Variants in RALGDS observed in about 807,000 individuals in gnomAD.
RALGDS encodes the protein ral guanine nucleotide dissociation stimulator, also known as ral guanine nucleotide exchange factor.
In RALGDS, 44 loss-of-function variants were observed where a neutral mutation model predicts 99.8. The ratio of observed to expected loss-of-function variants is 0.44; its 90% confidence interval spans 0.35 to 0.57. The LOEUF is 0.57. RALGDS is among the 20% of genes least tolerant of loss of function. The pLI is 0.01. For missense variants in RALGDS, 1,022 were observed against 1,203.1 expected, an observed-to-expected ratio of 0.85 and a Z score of 2.23; for synonymous variants, 529 against 505.0, an observed-to-expected ratio of 1.05 and a Z score of -0.64.
intron 1 of RALGDS, among the ~76,000 whole-genome samples, chr9:133,120,056 G>A (rs1432526204): frequency 1.3e-5 from 2 of 152,166 alleles, no homozygotes; most frequent in African/African-American, 2.4e-5. Context: ...CTGAGCCCCC[G>A]ATCCAGGAAT....
At chr9:133,115,038 C>T (rs1365827258) in intron 1 of RALGDS, among the ~76,000 whole-genome samples, 2 of 152,198 alleles carry the variant, frequency 1.3e-5, no homozygotes, top group African/African-American at 2.4e-5. Context: ...GACAGGCCAG[C>T]AGGATGCCGT....
rs144265266 is a variant in RALGDS, at chr9:133,143,985, G to T, written c.18+4978C>A. Among the ~76,000 whole-genome samples the T allele has an allele frequency of 1.8e-3, 280 of 152,132 alleles. 2 individuals are homozygous for T. The highest frequency in any genetic ancestry group is 6.5e-3 in the African/African-American group (271 of 41,488). The stretch of plus-strand genomic sequence containing the variant: ...CTTTGTATATCAAAGGCGCCTCTGA[G>T]GGGCTGTGCTGACCCCCACCAGGAG... On this transcript the variant is annotated intron_variant, in intron 1 of 17. Coordinates refer to the RALGDS transcript ENST00000393160.
At chr9:133,121,888 T>C (rs2119219708), upstream of RALGDS, among the ~76,000 whole-genome samples, 1 of 152,176 alleles carries the variant, frequency 6.6e-6, no homozygotes, top group South Asian at 2.1e-4. Context: ...ATCCTGAGTG[T>C]GGGGCTGTGT....
intron 1 of RALGDS, 48 bp from the exon 2 acceptor site, chr9:133,112,200 G>A: frequency 7.5e-7 from 1 of 1,326,942 alleles, no homozygotes; most frequent in Non-Finnish European, 1.1e-6. Flanking sequence ...TCAAGGGCCT[G>A]CCTGGCCACC....
chr9:133,114,205 T>C (rs76118910), intron 1 of RALGDS, among the ~76,000 whole-genome samples: 2 of 152,132 alleles, frequency 1.3e-5, no homozygotes, highest in Admixed American at 1.3e-4. Flanking sequence ...GAGCCATGCA[T>C]GCTTGGGGTA....
intron 1 of RALGDS, among the ~76,000 whole-genome samples, chr9:133,146,126 C>T (rs1044894126): frequency 3.3e-5 from 5 of 152,210 alleles, no homozygotes; most frequent in African/African-American, 1.2e-4. Context: ...CCCCCTGTGG[C>T]ATATGGGAGC....
intron 1 of RALGDS, chr9:133,148,889 C>A: frequency 6.5e-7 from 1 of 1,549,310 alleles, no homozygotes; most frequent in African/African-American, 1.4e-5. Flanking sequence ...GCTCCCTCCC[C>A]CCGGTGGGTG....
chr9:133,143,758 A>ATAG (rs1313489452), intron 1 of RALGDS, among the ~76,000 whole-genome samples: 2 of 106,650 alleles, frequency 1.9e-5, no homozygotes, highest in African/African-American at 9.0e-5. Context: ...AATAATAATA[A>ATAG]TAATAATAAT....
intron 16 of RALGDS, 159 bp from the exon 17 acceptor site, chr9:133,100,541 T>C: frequency 6.6e-7 from 1 of 1,507,266 alleles, no homozygotes; most frequent in South Asian, 1.3e-5. Context: ...TGTCACATTC[T>C]CCTACTCCCC....
chr9:133,100,970 A>T, intron 16 of RALGDS: 1 of 1,047,678 alleles, frequency 9.5e-7, no homozygotes, highest in Non-Finnish European at 1.2e-6. Flanking sequence ...TGGGGGTTAC[A>T]AATGGTTCAT....
At chr9:133,123,228 A>G (rs1360561353), upstream of RALGDS, among the ~76,000 whole-genome samples, 1 of 152,074 alleles carries the variant, frequency 6.6e-6, no homozygotes, top group African/African-American at 2.4e-5. Flanking sequence ...CAAGCTCCCA[A>G]TGCCTCCGGA....
intron 1 of RALGDS, among the ~76,000 whole-genome samples, chr9:133,146,190 TGTTC>T (rs151318808): frequency 0.21 from 31,322 of 151,892 alleles, 3,586 homozygotes; most frequent in Non-Finnish European, 0.26. Context: ...TTTGTTTGTT[TGTTC>T]GTTTGTTTAT....
chr9:133,145,497 A>ATTCAGATG (rs756435705), intron 1 of RALGDS, among the ~76,000 whole-genome samples: 13 of 150,756 alleles, frequency 8.6e-5, no homozygotes, highest in African/African-American at 3.2e-4. Context: ...TGTTCGTCAT[A>ATTCAGATG]TTCAGATGTT....
At chr9:133,117,256 A>G (rs541715291) in intron 1 of RALGDS, among the ~76,000 whole-genome samples, 2 of 152,220 alleles carry the variant, frequency 1.3e-5, no homozygotes, top group Non-Finnish European at 2.9e-5. Flanking sequence ...GAACCCTAAC[A>G]GGAGAGCTGG....
chr9:133,105,255 C>A (rs1211548456), intron 9 of RALGDS, among the ~76,000 whole-genome samples: 1 of 152,148 alleles, frequency 6.6e-6, no homozygotes, highest in Non-Finnish European at 1.5e-5. Context: ...ATGCCAGGGG[C>A]ACCAGGCAGT....
intron 15 of RALGDS, 44 bp from the exon 16 acceptor site, chr9:133,101,806 G>T: frequency 6.4e-7 from 1 of 1,565,180 alleles, no homozygotes; most frequent in Non-Finnish European, 8.7e-7. Context: ...GCCCTGTGGG[G>T]GCACCCCAGG....
At chr9:133,130,265 C>T (rs1832295404) in intron 1 of RALGDS, among the ~76,000 whole-genome samples, 1 of 152,242 alleles carries the variant, frequency 6.6e-6, no homozygotes, top group South Asian at 2.1e-4. Context: ...CCACCACACT[C>T]AGCCACTTGG....
At chr9:133,104,016 G>T (rs890317461) in intron 10 of RALGDS, among the ~76,000 whole-genome samples, 183 bp from the exon 11 acceptor site, 1 of 152,026 alleles carries the variant, frequency 6.6e-6, no homozygotes, top group Admixed American at 6.5e-5. Flanking sequence ...GAAATGCCAG[G>T]TTCCCAAGTC....
intron 8 of RALGDS, 131 bp from the exon 9 acceptor site, chr9:133,106,147 C>T: frequency 1.4e-6 from 1 of 722,842 alleles, no homozygotes; most frequent in Non-Finnish European, 2.4e-6. Context: ...CCCCAGAGCA[C>T]TAACGCTCTG....
Sources: gnomAD v4.1 joint callset for allele counts (sites outside exome capture counted in the v4.1 genomes callset) on GRCh38, gnomAD v4.1.1 for gene constraint, MANE v1.5 for transcripts, NCBI Gene and HGNC (gene_info 2026-07-23, HGNC 2026-07-21) for gene names.